The following CTNNA3 variants were observed in gnomAD, a reference collection of about 807,000 sequenced individuals.
CTNNA3 encodes the protein catenin alpha 3, also known as catenin alpha-3.
A neutral mutation model predicts 95.7 loss-of-function variants in CTNNA3; 76 were observed. The ratio of observed to expected loss-of-function variants is 0.79; its 90% CI spans 0.66 to 0.96. The LOEUF is 0.96. CTNNA3 is among the 40% of genes least tolerant of loss of function. The pLI is 0.00. For synonymous variants in CTNNA3, 431 were observed against 374.4 expected, an observed-to-expected ratio of 1.15 and a Z score of -1.74; for missense variants, 1,191 against 1,089.8, an observed-to-expected ratio of 1.09 and a Z score of -1.31.
intron 6 of CTNNA3, among the ~76,000 whole-genome samples, chr10:67,218,490 C>T (rs561358596): frequency 1.5e-4 from 23 of 152,238 alleles, no homozygotes; most frequent in Non-Finnish European, 3.1e-4. Flanking sequence ...TTGGCCTAGG[C>T]TTTGCGGGTC....
intron 13 of CTNNA3, among the ~76,000 whole-genome samples, chr10:66,123,865 A>C (rs974010733): frequency 6.6e-6 from 1 of 152,150 alleles, no homozygotes; most frequent in African/African-American, 2.4e-5. Context: ...CCAAGTTCCT[A>C]GGCTGCATAC....
At chr10:66,036,156 CA>C (rs1312460570) in intron 15 of CTNNA3, among the ~76,000 whole-genome samples, 6 of 152,100 alleles carry the variant, frequency 3.9e-5, no homozygotes, top group African/African-American at 1.4e-4. Flanking sequence ...ATACATCTAC[CA>C]GCATATGGAT....
At chr10:66,657,233 T>C (rs1279605607) in intron 9 of CTNNA3, among the ~76,000 whole-genome samples, 1 of 152,170 alleles carries the variant, frequency 6.6e-6, no homozygotes, top group African/African-American at 2.4e-5. Context: ...ATTGAAAAGA[T>C]TAATATTCTC....
intron 5 of CTNNA3, among the ~76,000 whole-genome samples, chr10:67,365,695 A>T (rs1445495036): frequency 1.3e-5 from 2 of 152,246 alleles, no homozygotes; most frequent in Non-Finnish European, 2.9e-5. Context: ...CACGCCAGTT[A>T]GAATGGCAAT....
At chr10:67,578,874 C>T (rs1842262916) in intron 3 of CTNNA3, among the ~76,000 whole-genome samples, 1 of 151,532 alleles carries the variant, frequency 6.6e-6, no homozygotes, top group Non-Finnish European at 1.5e-5. Flanking sequence ...ACTTTTTCTG[C>T]ATCTATGGAG....
intron 15 of CTNNA3, among the ~76,000 whole-genome samples, chr10:66,021,348 T>A (rs145500769): frequency 6.6e-6 from 1 of 152,172 alleles, no homozygotes; most frequent in African/African-American, 2.4e-5. Flanking sequence ...TCCTCATGTC[T>A]TATAGGAGGA....
intron 5 of CTNNA3, among the ~76,000 whole-genome samples, chr10:67,232,830 T>C (rs1234908727): frequency 1.3e-5 from 2 of 150,726 alleles, no homozygotes; most frequent in Non-Finnish European, 3.0e-5. Flanking sequence ...ACCAAGCAAA[T>C]GGAAAACAAA....
intron 12 of CTNNA3, among the ~76,000 whole-genome samples, chr10:66,361,381 CT>C (rs375247651): frequency 1.3e-5 from 1 of 77,992 alleles, no homozygotes; most frequent in Non-Finnish European, 3.4e-5. Context: ...TTTTCCTTTC[CT>C]TTCCTTCCTT....
At chr10:67,503,853 C>T (rs116460641) in intron 5 of CTNNA3, among the ~76,000 whole-genome samples, 4,157 of 152,170 alleles carry the variant, frequency 0.027, 199 homozygotes, top group African/African-American at 0.094. Context: ...TTTCCAAAAC[C>T]GCTTAAAAAC....
intron 10 of CTNNA3, among the ~76,000 whole-genome samples, chr10:66,567,041 G>A (rs75942231): frequency 0.026 from 3,575 of 138,884 alleles, 203 homozygotes; most frequent in East Asian, 0.19. Context: ...GGGAAGGGGA[G>A]GGGGTAGGGA....
At chr10:67,292,275 C>T (rs192933054) in intron 5 of CTNNA3, among the ~76,000 whole-genome samples, 72 of 152,210 alleles carry the variant, frequency 4.7e-4, no homozygotes, top group East Asian at 1.9e-3. Flanking sequence ...CTAGTTTCTA[C>T]GACATGCCCT....
intron 10 of CTNNA3, among the ~76,000 whole-genome samples, chr10:66,548,232 G>T (rs1462524915): frequency 6.6e-6 from 1 of 151,820 alleles, no homozygotes; most frequent in Non-Finnish European, 1.5e-5. Flanking sequence ...TGATATTTTT[G>T]ATATTATTGA....
At chr10:67,321,862 C>T (rs1290453142) in intron 5 of CTNNA3, among the ~76,000 whole-genome samples, 1 of 152,108 alleles carries the variant, frequency 6.6e-6, no homozygotes. Context: ...TCTTCAACTT[C>T]TTCCATCCCT....
At chr10:67,097,584 C>T in intron 7 of CTNNA3, 4 of 1,611,434 alleles carry the variant, frequency 2.5e-6, no homozygotes, top group Non-Finnish European at 3.4e-6. Context: ...CATTTTTCCC[C>T]AGATACCTTT....
At chr10:67,044,921 C>T (rs1050803224) in intron 7 of CTNNA3, among the ~76,000 whole-genome samples, 8 of 152,080 alleles carry the variant, frequency 5.3e-5, no homozygotes, top group Non-Finnish European at 1.2e-4. Flanking sequence ...CTGGGAAAAA[C>T]GGGGATAACC....
chr10:65,946,630 T>C (rs542771479), intron 17 of CTNNA3, among the ~76,000 whole-genome samples: 3 of 152,292 alleles, frequency 2.0e-5, no homozygotes, highest in South Asian at 2.1e-4. Context: ...TCTAACCAAA[T>C]TCTAATTCTT....
intron 10 of CTNNA3, among the ~76,000 whole-genome samples, chr10:66,609,567 G>A (rs886482834): frequency 6.6e-6 from 1 of 151,586 alleles, no homozygotes; most frequent in African/African-American, 2.4e-5. Flanking sequence ...TCTCACACCA[G>A]TCAGAATGGC....
At chr10:67,466,330 G>GT (rs1024169409) in intron 5 of CTNNA3, among the ~76,000 whole-genome samples, 1 of 152,194 alleles carries the variant, frequency 6.6e-6, no homozygotes, top group African/African-American at 2.4e-5. Flanking sequence ...AATACAACAA[G>GT]TTTTTTTGTG....
At chr10:67,617,943 A>T (rs1034491457) in intron 2 of CTNNA3, among the ~76,000 whole-genome samples, 3 of 152,098 alleles carry the variant, frequency 2.0e-5, no homozygotes, top group African/African-American at 7.2e-5. Flanking sequence ...TCAGTTTTAA[A>T]AATGTAATGT....
Sources: allele counts gnomAD v4.1 joint callset (sites outside exome capture counted in the v4.1 genomes callset), GRCh38; gene constraint gnomAD v4.1.1; transcripts MANE v1.5; gene names NCBI Gene and HGNC (gene_info 2026-07-23, HGNC 2026-07-21).